KHDRBS2: variants seen among roughly 807,000 people sequenced by gnomAD.
KHDRBS2 encodes KH domain-containing, RNA-binding, signal transduction-associated protein 2.
A neutral mutation model predicts 44.3 loss-of-function variants in KHDRBS2; 26 were observed. The observed-to-expected ratio is 0.59, with a 90% CI of 0.43 to 0.81. The LOEUF is 0.81. Among genes scored for constraint, KHDRBS2 ranks in the 40% least tolerant of loss-of-function variants. The pLI is 0.00. For missense variants in KHDRBS2, 476 were observed against 433.1 expected (o/e 1.10, Z -0.88); for synonymous variants, 194 against 151.1 (o/e 1.28, Z -2.08).
At chr6:61,617,307 G>C in the KHDRBS2 span, among the ~76,000 whole-genome samples, 4 of 152,268 alleles carry the variant, frequency 2.6e-5, no homozygotes, top group Middle Eastern at 3.4e-3. Flanking sequence ...ACTTCTAAAT[G>C]ATCAGAATGG....
At chr6:62,142,932 GAATTTATTTTA>G (rs1236284506) in intron 2 of KHDRBS2, among the ~76,000 whole-genome samples, 1 of 148,936 alleles carries the variant, frequency 6.7e-6, no homozygotes, top group Non-Finnish European at 1.5e-5. Flanking sequence ...TTGTAACAAA[GAATTTATTTTA>G]ATTAATCAAT....
At chr6:62,073,715 G>A (rs989714960) in intron 2 of KHDRBS2, among the ~76,000 whole-genome samples, 5 of 150,938 alleles carry the variant, frequency 3.3e-5, no homozygotes, top group Non-Finnish European at 7.4e-5. Flanking sequence ...GCATTTCTTG[G>A]CTACTATTTC....
At chr6:62,097,494 T>C (rs952695202) in intron 2 of KHDRBS2, among the ~76,000 whole-genome samples, 1 of 152,086 alleles carries the variant, frequency 6.6e-6, no homozygotes, top group Non-Finnish European at 1.5e-5. Context: ...ACCTTGTCTC[T>C]TTTTACAGTT....
the KHDRBS2 span, among the ~76,000 whole-genome samples, chr6:61,544,011 T>C: frequency 6.6e-6 from 1 of 151,994 alleles, no homozygotes; most frequent in Non-Finnish European, 1.5e-5. Flanking sequence ...AAAAAAGTAG[T>C]TGGAAACAAT....
intron 1 of KHDRBS2, among the ~76,000 whole-genome samples, chr6:62,258,337 C>G (rs546470276): frequency 6.6e-6 from 1 of 151,968 alleles, no homozygotes; most frequent in Non-Finnish European, 1.5e-5. Flanking sequence ...ATGGTTAATA[C>G]GGATATTCTG....
At chr6:61,918,946 G>C (rs76033286) in intron 4 of KHDRBS2, among the ~76,000 whole-genome samples, 1,534 of 151,988 alleles carry the variant, frequency 0.01, 11 homozygotes, top group Middle Eastern at 0.017. Flanking sequence ...CTCTAGTTTA[G>C]AGTCTATGTG....
intron 7 of KHDRBS2, among the ~76,000 whole-genome samples, chr6:61,710,959 A>C (rs1770415803): frequency 6.7e-6 from 1 of 149,088 alleles, no homozygotes; most frequent in African/African-American, 2.5e-5. Context: ...AGAAATCTGG[A>C]GTTTCATTTA....
chr6:62,016,150 T>C (rs879394031), intron 3 of KHDRBS2, among the ~76,000 whole-genome samples: 12 of 152,174 alleles, frequency 7.9e-5, no homozygotes, highest in Non-Finnish European at 1.5e-4. Flanking sequence ...TTTTAGTTTC[T>C]AGTGGTTCTA....
chr6:61,954,845 CAT>C (rs1765975079), intron 4 of KHDRBS2, among the ~76,000 whole-genome samples: 1 of 29,832 alleles, frequency 3.4e-5, no homozygotes, highest in Admixed American at 3.6e-4. Context: ...TGTATGTATA[CAT>C]ATGCATGTGT....
chr6:62,165,987 G>A (rs1256538318), intron 2 of KHDRBS2, among the ~76,000 whole-genome samples: 1 of 151,950 alleles, frequency 6.6e-6, no homozygotes, highest in Non-Finnish European at 1.5e-5. Flanking sequence ...ACAATCCCCT[G>A]TAACCGCTAT....
chr6:62,093,718 C>T (rs1799935488), intron 2 of KHDRBS2, among the ~76,000 whole-genome samples: 1 of 151,758 alleles, frequency 6.6e-6, no homozygotes, highest in Non-Finnish European at 1.5e-5. Context: ...GTTTTAGATT[C>T]CCATTTAATA....
At chr6:61,801,265 T>C (rs907789736) in intron 6 of KHDRBS2, among the ~76,000 whole-genome samples, 1 of 152,162 alleles carries the variant, frequency 6.6e-6, no homozygotes, top group Non-Finnish European at 1.5e-5. Flanking sequence ...CTAGGAATTA[T>C]AGACATTGAT....
intron 6 of KHDRBS2, among the ~76,000 whole-genome samples, chr6:61,875,446 C>T (rs1014712369): frequency 6.6e-5 from 10 of 152,038 alleles, no homozygotes; most frequent in African/African-American, 2.4e-4. Flanking sequence ...TCCTTTCAAT[C>T]TGCTTTACTC....
chr6:62,143,014 A>G (rs142890214), intron 2 of KHDRBS2, among the ~76,000 whole-genome samples: 11 of 152,026 alleles, frequency 7.2e-5, no homozygotes, highest in African/African-American at 2.6e-4. Context: ...TGTATAAAAT[A>G]TTGAATTTTA....
the KHDRBS2 span, among the ~76,000 whole-genome samples, chr6:61,568,108 A>T: frequency 1.3e-5 from 2 of 152,006 alleles, no homozygotes; most frequent in African/African-American, 4.8e-5. Context: ...TCCTCTCTTC[A>T]GTGTATATTT....
intron 4 of KHDRBS2, among the ~76,000 whole-genome samples, chr6:61,954,927 CACAT>C (rs1562514734): frequency 1.0e-5 from 1 of 100,246 alleles, no homozygotes; most frequent in African/African-American, 3.2e-5. Context: ...TATATGTATA[CACAT>C]ACATATGTAT....
chr6:61,610,820 G>A, the KHDRBS2 span, among the ~76,000 whole-genome samples: 14 of 152,282 alleles, frequency 9.2e-5, no homozygotes, highest in African/African-American at 1.7e-4. Context: ...GGTCTCACAC[G>A]TTGAGAAGTA....
intron 6 of KHDRBS2, among the ~76,000 whole-genome samples, chr6:61,784,423 AC>A (rs112714062): frequency 0.23 from 35,284 of 151,668 alleles, 4,751 homozygotes; most frequent in South Asian, 0.35. Flanking sequence ...AAAATTCTAT[AC>A]AAATGTAATA....
At chr6:61,846,135 T>C (rs1233133759) in intron 6 of KHDRBS2, among the ~76,000 whole-genome samples, 1 of 152,214 alleles carries the variant, frequency 6.6e-6, no homozygotes, top group African/African-American at 2.4e-5. Context: ...GATGATCCTA[T>C]GCTTCACCTG....
Sources: allele counts gnomAD v4.1 joint callset (sites outside exome capture counted in the v4.1 genomes callset), GRCh38; gene constraint gnomAD v4.1.1; transcripts MANE v1.5; gene names NCBI Gene and HGNC (gene_info 2026-07-23, HGNC 2026-07-21).